Variants in TAOK1 observed in about 807,000 individuals in gnomAD.
TAOK1 encodes TAO kinase 1, also known as serine/threonine-protein kinase TAO1.
In TAOK1, 21 loss-of-function variants were observed where a neutral mutation model predicts 138.3. The observed-to-expected ratio is 0.15, with a 90% CI of 0.11 to 0.22. The LOEUF is 0.22. TAOK1 is among the 10% of genes least tolerant of loss of function. The probability of loss-of-function intolerance (pLI) is 1.00; values close to 1 mark genes in which losing one functional copy is unlikely to be tolerated. For missense variants in TAOK1, 651 were observed against 1,227.7 expected (o/e 0.53, Z 7.02); for synonymous variants, 361 against 398.4 (o/e 0.91, Z 1.12).
intron 3 of TAOK1, among the ~76,000 whole-genome samples, chr17:29,471,189 A>G (rs1018828942): frequency 1.1e-4 from 16 of 151,488 alleles, no homozygotes; most frequent in African/African-American, 3.2e-4. Context: ...TCCATGCTAT[A>G]CTGTAGTACC....
chr17:29,454,793 C>T (rs2030333443), intron 2 of TAOK1, among the ~76,000 whole-genome samples: 1 of 152,054 alleles, frequency 6.6e-6, no homozygotes, highest in African/African-American at 2.4e-5. Flanking sequence ...CCTCGGCCTC[C>T]TGGGTTCAAA....
At chr17:29,475,578 AAC>A in intron 3 of TAOK1, 90 bp from the exon 4 acceptor site, 1 of 849,780 alleles carries the variant, frequency 1.2e-6, no homozygotes, top group Non-Finnish European at 1.8e-6. Context: ...TGTTCTTGTT[AAC>A]TCTTCTAAAT....
intron 1 of TAOK1, among the ~76,000 whole-genome samples, chr17:29,435,058 T>C (rs1354025915): frequency 6.6e-6 from 1 of 152,190 alleles, no homozygotes; most frequent in African/African-American, 2.4e-5. Context: ...TCCCTTGGTC[T>C]TACTTTCCCA....
At chr17:29,439,328 G>T (rs1043380825) in intron 1 of TAOK1, among the ~76,000 whole-genome samples, 2 of 151,514 alleles carry the variant, frequency 1.3e-5, no homozygotes, top group African/African-American at 2.4e-5. Flanking sequence ...TCAGCCTCCT[G>T]AGTAGCTGGG....
intron 1 of TAOK1, among the ~76,000 whole-genome samples, chr17:29,416,877 A>G (rs563269644): frequency 6.6e-6 from 1 of 152,314 alleles, no homozygotes; most frequent in Non-Finnish European, 1.5e-5. Flanking sequence ...AAATGCAATT[A>G]CAATCAAGTT....
At chr17:29,532,259 A>T (rs2032129019) in intron 18 of TAOK1, among the ~76,000 whole-genome samples, 2 of 151,984 alleles carry the variant, frequency 1.3e-5, no homozygotes, top group African/African-American at 4.8e-5. Flanking sequence ...TGTAGACTAT[A>T]GTTTGCTGGT....
Position 29,542,707 on chromosome 17 carries a change from T to A in TAOK1, c.2691T>A (p.Pro897=), listed in dbSNP as rs1289949653. ...FSNMVLSNLS[P]EAFSHSYPGA... ...ATATGGTCCTTTCTAATCTCTCCCC[T>A]GAGGCATTCAGCCACAGCTACCCGG... The change falls in exon 20 of 20, where the codon CCT becomes CCA. Residue 897 remains proline, a synonymous_variant. Coordinates refer to ENST00000261716, the MANE Select transcript of TAOK1 (RefSeq NM_020791.4). The A allele has an allele frequency of 1.2e-6, 2 of 1,614,132 alleles. No individual in the cohort carries two copies. Among genetic ancestry groups the A allele is most frequent in the Non-Finnish European group, 1.7e-6 (2 of 1,180,050 alleles).
chr17:29,419,437 C>T (rs1481202349), intron 1 of TAOK1, among the ~76,000 whole-genome samples: 1 of 151,828 alleles, frequency 6.6e-6, no homozygotes, highest in Non-Finnish European at 1.5e-5. Context: ...ATCAATTGAT[C>T]CACCCGCCTC....
At chr17:29,520,713 C>G (rs1567742903) in intron 16 of TAOK1, among the ~76,000 whole-genome samples, 1 of 149,856 alleles carries the variant, frequency 6.7e-6, no homozygotes, top group Non-Finnish European at 1.5e-5. Context: ...CCGTGCCCAG[C>G]CAAAAAATTT....
chr17:29,494,633 T>A (rs2031374319), intron 10 of TAOK1, among the ~76,000 whole-genome samples: 1 of 152,002 alleles, frequency 6.6e-6, no homozygotes, highest in Admixed American at 6.6e-5. Flanking sequence ...GAGACCATCC[T>A]GGCTAACACG....
chr17:29,399,084 T>C (rs1904756761), intron 1 of TAOK1, among the ~76,000 whole-genome samples: 1 of 150,528 alleles, frequency 6.6e-6, no homozygotes, highest in Non-Finnish European at 1.5e-5. Flanking sequence ...CCTCCCAGGC[T>C]CAAGTGATCC....
At chr17:29,483,079 C>CTTAT (rs1251102259) in intron 8 of TAOK1, among the ~76,000 whole-genome samples, 4 of 152,038 alleles carry the variant, frequency 2.6e-5, no homozygotes, top group Admixed American at 6.6e-5. Context: ...TTAAATTTTA[C>CTTAT]TTATTTATTT....
rs78551595 is a variant in TAOK1 at position 29,452,273 on chromosome 17, A to C, written c.132+593A>C. ...ACAAATGAAAGAAAGAAAAAGAAAA[A>C]AATTTGCTTTAACTTATGTGTTACT... On this transcript the variant is annotated intron_variant, in intron 2 of 19. Transcript: ENST00000261716. Among the ~76,000 whole-genome samples the C allele has an allele frequency of 7.8e-3, 1,180 of 152,178 alleles. 8 individuals carry two copies. Among genetic ancestry groups the C allele is most frequent in the Non-Finnish European group, 0.012 (847 of 67,998 alleles).
At chr17:29,539,488 G>A (rs1201370320) in intron 19 of TAOK1, among the ~76,000 whole-genome samples, 1 of 152,150 alleles carries the variant, frequency 6.6e-6, no homozygotes, top group Non-Finnish European at 1.5e-5. Flanking sequence ...CCACGCTGGA[G>A]TGCAATGGCA....
rs1013020923 is a variant in TAOK1 at position 29,547,180 on chromosome 17, T to G, written c.*4158T>G. On this transcript the variant is annotated 3_prime_UTR_variant, in exon 20 of 20. Coordinates refer to ENST00000261716, the MANE Select transcript of TAOK1 (RefSeq NM_020791.4). ...TCTTTATGTGCTTTCTATATGTATT[T>G]CTTAGTAGTGATACCATTGATCCTC... The G allele has an allele frequency of 6.6e-6, 1 of 152,142 alleles. No individual in the cohort carries two copies. Among genetic ancestry groups the G allele is most frequent in the East Asian group, 1.9e-4 (1 of 5,196 alleles). 9.4% of individuals were successfully genotyped at this position (152,142 alleles called of 1,614,324 possible).
chr17:29,516,307 G>A (rs937032550), intron 15 of TAOK1, among the ~76,000 whole-genome samples: 1 of 151,810 alleles, frequency 6.6e-6, no homozygotes, highest in African/African-American at 2.4e-5. Context: ...TAATATTCAC[G>A]TAGGTAATTT....
At chr17:29,490,023 C>T (rs967435986) in intron 9 of TAOK1, among the ~76,000 whole-genome samples, 1 of 151,678 alleles carries the variant, frequency 6.6e-6, no homozygotes, top group African/African-American at 2.4e-5. Context: ...ATTTTACTTT[C>T]TCTTTAAATT....
At chr17:29,403,022 A>G (rs1799702947) in intron 1 of TAOK1, among the ~76,000 whole-genome samples, 1 of 151,880 alleles carries the variant, frequency 6.6e-6, no homozygotes, top group Non-Finnish European at 1.5e-5. Flanking sequence ...TTAGCCGTGC[A>G]TGGTGGCGGG....
At chr17:29,426,533 A>G (rs1420900626) in intron 1 of TAOK1, among the ~76,000 whole-genome samples, 2 of 152,146 alleles carry the variant, frequency 1.3e-5, no homozygotes, top group African/African-American at 2.4e-5. Context: ...AGGAAAGAGA[A>G]TATGGGAAGT....
Sources: allele counts gnomAD v4.1 joint callset (sites outside exome capture counted in the v4.1 genomes callset), GRCh38; gene constraint gnomAD v4.1.1; transcripts MANE v1.5; gene names NCBI Gene and HGNC (gene_info 2026-07-23, HGNC 2026-07-21).